TWIST1: variants seen among roughly 807,000 people sequenced by gnomAD.
The protein encoded by TWIST1 is twist-related protein 1.
TWIST1 carries 8 observed loss-of-function variants against 12.9 expected under a neutral mutation model. The observed-to-expected ratio is 0.62, with a 90% CI of 0.37 to 1.12. The LOEUF (loss-of-function observed/expected upper bound fraction) is 1.12. Ranked by LOEUF, TWIST1 falls within the 50% of genes most tolerant of loss-of-function variation. The probability of loss-of-function intolerance (pLI) is 0.02; values close to 1 mark genes in which losing one functional copy is unlikely to be tolerated. For synonymous variants in TWIST1, 169 were observed against 138.7 expected (o/e 1.22, Z -1.54); for missense variants, 268 against 299.7 (o/e 0.89, Z 0.78).
rs1304750415 is a variant in TWIST1 at position 19,115,587 on chromosome 7, CAATA to C, written c.*583_*586del. On this transcript the variant is annotated 3_prime_UTR_variant, in exon 2 of 2. Coordinates refer to ENST00000242261, the MANE Select transcript of TWIST1 (RefSeq NM_000474.4). Reference sequence around the variant, plus strand: ...CTATTTGCATTTTACCATGGGTCCTCAATAAATAAATAGAATGTTGTTTTTTGTA... The same window carrying C: ...CTATTTGCATTTTACCATGGGTCCTCAATAAATAGAATGTTGTTTTTTGTA... 1 of 152,124 alleles carries C rather than the reference CAATA, an allele frequency of 6.6e-6. No individual in the cohort carries two copies. Among genetic ancestry groups the C allele is most frequent in the East Asian group, 1.9e-4 (1 of 5,192 alleles). 9.4% of individuals were successfully genotyped at this position (152,124 alleles called of 1,614,324 possible).
chr7:19,117,028 CCCGCCGCCGCTGCTGCTGCCG>C lies in TWIST1; in HGVS notation c.273_293del (p.Gly92_Gly98del), dbSNP rs1554442039. 2.0e-5 allele frequency: 30 copies of C among 1,498,368 alleles called. 1 individual carries two copies. The highest frequency in any genetic ancestry group is 9.3e-5 in the South Asian group (7 of 75,568). 92.8% of individuals were successfully genotyped at this position (1,498,368 alleles called of 1,614,324 possible). ...GCAGCTCCTCGTAAGACTGCGGACT[CCCGCCGCCGCTGCTGCTGCCG>C]CCGCCGCCGCCCGCGCCGCCGCCGC... On this transcript the variant is annotated inframe_deletion, in exon 1 of 2. Coordinates refer to ENST00000242261, the MANE Select transcript of TWIST1 (RefSeq NM_000474.4).
chr7:19,117,033 C>CGCCGCT lies in TWIST1; in HGVS notation c.283_288dup (p.Ser95_Gly96dup). ...TCCTCGTAAGACTGCGGACTCCCGC[C>CGCCGCT]GCCGCTGCTGCTGCCGCCGCCGCCG... is the stretch of plus-strand genomic sequence containing the variant. On this transcript the variant is annotated inframe_insertion, in exon 1 of 2. Transcript: ENST00000242261. 6.7e-7 allele frequency: 1 copy of CGCCGCT among 1,488,836 alleles called. No individual in the cohort carries two copies. Among genetic ancestry groups the CGCCGCT allele is most frequent in the Non-Finnish European group, 8.8e-7 (1 of 1,130,844 alleles). The allele number at this position is 1,488,836 out of a possible 1,614,324, so 92.2% of individuals were successfully genotyped here. A position where few individuals can be genotyped will look rare whatever the true frequency, so the allele number is the denominator to read the frequency against.
downstream of TWIST1, chr7:19,115,332 A>G (rs1788542780): frequency 6.6e-6 from 1 of 152,518 alleles, no homozygotes; most frequent in Non-Finnish European, 1.5e-5. Context: ...GCCTGTCAGT[A>G]GCTGCTTTAT....
Position 19,117,047 on chromosome 7 carries a change from C to T in TWIST1, c.275G>A (p.Gly92Asp). 7.1e-7 allele frequency: 1 copy of T among 1,398,766 alleles called. No homozygotes were observed. Among genetic ancestry groups the T allele is most frequent in the Non-Finnish European group, 9.2e-7 (1 of 1,085,434 alleles). The allele number at this position is 1,398,766 out of a possible 1,614,324, so 86.6% of individuals were successfully genotyped here. ...GGGGGAGGGG[G>D]SSSGGGSPQS... ...CGGACTCCCGCCGCCGCTGCTGCTG[C>T]CGCCGCCGCCGCCCGCGCCGCCGCC... Residue 92 changes from glycine (G) to aspartate (D), a missense_variant, in exon 1 of 2, where the codon GGC (glycine) becomes GAC (aspartate). By Grantham distance (94) the Gly-to-Asp change is moderately conservative (BLOSUM62 -1). Coordinates refer to ENST00000242261, the MANE Select transcript of TWIST1 (RefSeq NM_000474.4).
Position 19,116,660 on chromosome 7 carries a change from G to T in TWIST1, c.*42+11C>A. 1 of 1,543,940 alleles carries T rather than the reference G, an allele frequency of 6.5e-7. No individual in the cohort carries two copies. Among genetic ancestry groups the T allele is most frequent in the Non-Finnish European group, 8.7e-7 (1 of 1,145,456 alleles). On this transcript the variant is annotated intron_variant, in intron 1 of 1. Transcript: ENST00000242261. The stretch of plus-strand genomic sequence containing the variant: ...CTGAGAGGCGAAGGGGTGCAGCGGC[G>T]CGGTCCTTACCTAGGTCTCCGGCCC...
At chr7:19,113,478 G>C (rs1175208403), downstream of TWIST1, 3 of 152,138 alleles carry the variant, frequency 2.0e-5, no homozygotes, top group Non-Finnish European at 4.4e-5. Flanking sequence ...AAGATATAAT[G>C]GTGGAGGAAA....
In TWIST1 at chr7:19,117,207, G is replaced by C; in HGVS notation, c.115C>G (p.Arg39Gly). ...CCCGCGCTGCGCCTGCTGCTGCGCC[G>C]CTTGCGTCCCCCGCGCTTGCCGCTC... is the stretch of plus-strand genomic sequence containing the variant. ...PPSGKRGGRKRRSSRRSAGGG... is the reference protein window; with the variant it reads ...PPSGKRGGRKGRSSRRSAGGG... The change falls in exon 1 of 2, where the codon CGG becomes GGG. Residue 39 changes from arginine to glycine, a missense_variant. Coordinates refer to ENST00000242261, the MANE Select transcript of TWIST1 (RefSeq NM_000474.4). The C allele has an allele frequency of 7.3e-7, 1 of 1,366,548 alleles. No individual in the cohort carries two copies. The highest frequency in any genetic ancestry group is 9.5e-7 in the Non-Finnish European group (1 of 1,052,024). The allele number at this position is 1,366,548 out of a possible 1,614,324, so 84.7% of individuals were successfully genotyped here.
At chr7:19,113,391 A>G (rs1484377933), downstream of TWIST1, 1 of 152,242 alleles carries the variant, frequency 6.6e-6, no homozygotes, top group African/African-American at 2.4e-5. Flanking sequence ...TTCCGAAAAC[A>G]AGAGGTAATT....
At chr7:19,116,538 G>A in intron 1 of TWIST1, 133 bp downstream of exon 1, 2 of 783,904 alleles carry the variant, frequency 2.6e-6, no homozygotes, top group Non-Finnish European at 4.0e-6. Context: ...CGAGGCAACG[G>A]TGCCAAGTGA....
chr7:19,113,801 T>G (rs376237444), downstream of TWIST1: 22 of 152,036 alleles, frequency 1.4e-4, no homozygotes, highest in Admixed American at 3.9e-4. Flanking sequence ...AAGAAAGAAA[T>G]AAAAGAAAGG....
rs770204083 is a variant in TWIST1 at position 19,117,115 on chromosome 7, C to T, written c.207G>A (p.Pro69=). The T allele has an allele frequency of 1.4e-5, 16 of 1,176,362 alleles. No homozygotes were observed. The highest frequency in any genetic ancestry group is 1.7e-5 in the Non-Finnish European group (16 of 953,308). 72.9% of individuals were successfully genotyped at this position (1,176,362 alleles called of 1,614,324 possible). A position where few individuals can be genotyped will look rare whatever the true frequency, so the allele number is the denominator to read the frequency against. Residue 69 remains proline (P), a synonymous_variant, in exon 1 of 2, where the codon CCG becomes CCA. Coordinates refer to ENST00000242261, the MANE Select transcript of TWIST1 (RefSeq NM_000474.4). The part of the protein sequence containing the change: ...GVGGGDEPGS[P]AQGKRGKKSA... ...ACTTCTTGCCGCGCTTGCCCTGGGC[C>T]GGGCTGCCCGGCTCGTCGCCGCCTC... is the stretch of plus-strand genomic sequence containing the variant.
In TWIST1 at chr7:19,116,914, G is replaced by C. The variant is rs1788580938; in HGVS notation, c.408C>G (p.Pro136=). The C allele has an allele frequency of 4.3e-6, 7 of 1,614,104 alleles. No homozygotes were observed. The highest frequency in any genetic ancestry group is 5.9e-6 in the Non-Finnish European group (7 of 1,179,990). ...TGCTCAGCTTGTCCGAGGGCAGCGTGGGGATGATCTTCCGCAGCGCGGCGA... is the reference window on the plus strand; with the variant it reads ...TGCTCAGCTTGTCCGAGGGCAGCGTCGGGATGATCTTCCGCAGCGCGGCGA... ...EAFAALRKII[P]TLPSDKLSKI... The change falls in exon 1 of 2, where the codon CCC becomes CCG. Residue 136 remains proline (P), a synonymous_variant. Transcript: ENST00000242261.
downstream of TWIST1, among the ~76,000 whole-genome samples, chr7:19,114,794 T>C (rs967697738): frequency 2.0e-5 from 3 of 152,226 alleles, no homozygotes; most frequent in Non-Finnish European, 4.4e-5. Context: ...AGGATCTTCA[T>C]TTTTGTATAT....
chr7:19,116,519 C>A (rs888686473), intron 1 of TWIST1, among the ~76,000 whole-genome samples, 152 bp downstream of exon 1: 1 of 152,116 alleles, frequency 6.6e-6, no homozygotes, highest in Non-Finnish European at 1.5e-5. Context: ...TCCGGGGACG[C>A]TGGGGGCGCG....
At position 19,117,017 on chromosome 7, in the gene TWIST1, G is replaced by C. The variant is rs750252427; in HGVS notation, c.305C>G (p.Ser102Cys). 4 of 1,546,310 alleles carry C rather than the reference G, an allele frequency of 2.6e-6. No homozygotes were observed. The highest frequency in any genetic ancestry group is 2.8e-5 in the African/African-American group (2 of 70,478). ...CCGCTGCGTCTGCAGCTCCTCGTAAGACTGCGGACTCCCGCCGCCGCTGCT... is the reference window on the plus strand; with the variant it reads ...CCGCTGCGTCTGCAGCTCCTCGTAACACTGCGGACTCCCGCCGCCGCTGCT... ...GSSSGGGSPQSYEELQTQRVM... is the reference protein window; with the variant it reads ...GSSSGGGSPQCYEELQTQRVM... Residue 102 changes from serine to cysteine, a missense_variant, in exon 1 of 2, where the codon TCT becomes TGT. Ser to Cys is a moderately radical substitution (Grantham distance 112). Around this residue, in one of 2 missense-constraint regions of TWIST1, gnomAD observed 189 missense variants for 172.1 expected, o/e 1.10. Transcript: ENST00000242261.
Position 19,117,228 on chromosome 7 carries a change from C to A in TWIST1, c.94G>T (p.Gly32Cys), listed in dbSNP as rs878852992. ...EEPDRQQPPS[G>C]KRGGRKRRSS... ...CGCCGCTTGCGTCCCCCGCGCTTGCCGCTCGGCGGCTGCTGCCGGTCTGGC... is the reference window on the plus strand; with the variant it reads ...CGCCGCTTGCGTCCCCCGCGCTTGCAGCTCGGCGGCTGCTGCCGGTCTGGC... Residue 32 changes from glycine (G) to cysteine (C), a missense_variant, in exon 1 of 2, where the codon GGC (glycine) becomes TGC (cysteine). Coordinates refer to ENST00000242261, the MANE Select transcript of TWIST1 (RefSeq NM_000474.4). 5.7e-6 allele frequency: 8 copies of A among 1,413,902 alleles called. No homozygotes were observed. Among genetic ancestry groups the A allele is most frequent in the African/African-American group, 3.0e-5 (2 of 67,064 alleles). The allele number at this position is 1,413,902 out of a possible 1,614,324, so 87.6% of individuals were successfully genotyped here.
rs1788549341 is a variant in TWIST1 at position 19,115,679 on chromosome 7, G to A, written c.*495C>T. The A allele has an allele frequency of 6.6e-6, 1 of 151,794 alleles. No homozygotes were observed. The highest frequency in any genetic ancestry group is 1.5e-5 in the Non-Finnish European group (1 of 67,918). 9.4% of individuals were successfully genotyped at this position (151,794 alleles called of 1,614,324 possible). On this transcript the variant is annotated 3_prime_UTR_variant, in exon 2 of 2. Coordinates refer to ENST00000242261, the MANE Select transcript of TWIST1 (RefSeq NM_000474.4). ...ATGAAAAAAAGAATTAACTGACTAT[G>A]GTTTTGCAGGCCAGTTTGATCCCAG... is the stretch of plus-strand genomic sequence containing the variant.
chr7:19,117,394 T>G lies in TWIST1; in HGVS notation c.-73A>C. 1 of 1,298,272 alleles carries G rather than the reference T, an allele frequency of 7.7e-7. No homozygotes were observed. The highest frequency in any genetic ancestry group is 9.8e-7 in the Non-Finnish European group (1 of 1,018,368). The allele number at this position is 1,298,272 out of a possible 1,614,324, so 80.4% of individuals were successfully genotyped here. ...GAGCGGGGCGCCTCAGCCCGCCAGC[T>G]TCCCCCGCGCGCGGCGCCGGCCCGG... On this transcript the variant is annotated 5_prime_UTR_variant, in exon 1 of 2. Transcript: ENST00000242261.
chr7:19,117,253 C>T lies in TWIST1; in HGVS notation c.69G>A (p.Glu23=). The T allele has an allele frequency of 6.9e-7, 1 of 1,458,538 alleles. No individual in the cohort carries two copies. The highest frequency in any genetic ancestry group is 9.0e-7 in the Non-Finnish European group (1 of 1,107,750). The allele number at this position is 1,458,538 out of a possible 1,614,324, so 90.3% of individuals were successfully genotyped here. The change falls in exon 1 of 2, where the codon GAG becomes GAA. Residue 23 remains glutamate (E), a synonymous_variant. Transcript: ENST00000242261. ...CGCTCGGCGGCTGCTGCCGGTCTGG[C>T]TCTTCCTCGCTGTTGCTCAGGCTGT... ...ADDSLSNSEE[E]PDRQQPPSGK...
Sources: allele counts gnomAD v4.1 joint callset (sites outside exome capture counted in the v4.1 genomes callset), GRCh38; gene constraint gnomAD v4.1.1; regional missense constraint gnomAD v4.1.1; transcripts MANE v1.5; gene names NCBI Gene and HGNC (gene_info 2026-07-23, HGNC 2026-07-21).